FAAH2: variants seen among roughly 807,000 people sequenced by gnomAD.
FAAH2 encodes the protein fatty acid amide hydrolase 2, also known as fatty-acid amide hydrolase 2.
In FAAH2, 60 loss-of-function variants were observed where a neutral mutation model predicts 36.9. The ratio of observed to expected loss-of-function variants is 1.63; its 90% CI spans 1.32 to 2.02. The LOEUF (loss-of-function observed/expected upper bound fraction) is 2.02. Among genes scored for constraint, FAAH2 ranks in the 30% most tolerant of loss-of-function variants. The pLI is 0.00. For missense variants in FAAH2, 689 were observed against 397.5 expected, an observed-to-expected ratio of 1.73 and a Z score of -6.23; for synonymous variants, 214 against 143.8, an observed-to-expected ratio of 1.49 and a Z score of -3.49.
the FAAH2 span, chrX:57,137,147 C>T: frequency 7.0e-5 from 53 of 762,589 alleles, no homozygotes; most frequent in Non-Finnish European, 7.9e-5. Context: ...CACCCCATGT[C>T]TCCTGCTGGA....
At chrX:57,168,115 A>G in the FAAH2 span, among the ~76,000 whole-genome samples, 22 of 111,547 alleles carry the variant, frequency 2.0e-4, no homozygotes, top group Admixed American at 5.7e-4. Context: ...AATATAGACT[A>G]GATTTTAACA....
intron 7 of FAAH2, chrX:57,394,612 C>A: frequency 5.3e-6 from 6 of 1,138,838 alleles, no homozygotes; most frequent in Non-Finnish European, 6.0e-6. Flanking sequence ...TTGCAACCGT[C>A]ATGAGCCCTA....
chrX:57,152,742 C>G, the FAAH2 span, among the ~76,000 whole-genome samples: 1 of 111,848 alleles, frequency 8.9e-6, no homozygotes, highest in Non-Finnish European at 1.9e-5. Context: ...CCTCGCCCTG[C>G]TTTAGCTCGT....
chrX:57,258,622 T>A, the FAAH2 span, among the ~76,000 whole-genome samples: 2 of 110,580 alleles, frequency 1.8e-5, no homozygotes, highest in African/African-American at 6.6e-5. Flanking sequence ...TCTGATTTTT[T>A]AAAAATGACC....
the FAAH2 span, among the ~76,000 whole-genome samples, chrX:57,273,771 G>A: frequency 9.0e-6 from 1 of 111,600 alleles, no homozygotes; most frequent in Non-Finnish European, 1.9e-5. Context: ...GTGTTTAGAG[G>A]GAAATTTATA....
chrX:57,278,282 C>T, the FAAH2 span, among the ~76,000 whole-genome samples: 38 of 111,558 alleles, frequency 3.4e-4, no homozygotes, highest in South Asian at 3.8e-4. Context: ...CACACATCTA[C>T]GGCCATCTGA....
intron 10 of FAAH2, among the ~76,000 whole-genome samples, chrX:57,484,150 G>A (rs1345103545): frequency 9.0e-6 from 1 of 110,786 alleles, no homozygotes; most frequent in Non-Finnish European, 1.9e-5. Context: ...CTGCTGGCCA[G>A]GGGGTAGCAC....
chrX:57,207,147 AT>A, the FAAH2 span, among the ~76,000 whole-genome samples: 1 of 110,547 alleles, frequency 9.0e-6, no homozygotes, highest in African/African-American at 3.3e-5. Flanking sequence ...GACATACCCC[AT>A]TTTATGCATC....
At chrX:57,262,298 A>C in the FAAH2 span, among the ~76,000 whole-genome samples, 1 of 111,670 alleles carries the variant, frequency 9.0e-6, no homozygotes, top group African/African-American at 3.2e-5. Flanking sequence ...TATGTGCTTC[A>C]AAACACACTT....
intron 7 of FAAH2, among the ~76,000 whole-genome samples, chrX:57,408,945 G>A (rs1198166064): frequency 9.0e-6 from 1 of 110,937 alleles, no homozygotes; most frequent in Non-Finnish European, 1.9e-5. Flanking sequence ...AGACGATTTT[G>A]TTATTGTGTG....
chrX:57,310,392 A>T (rs2052659228), intron 2 of FAAH2, among the ~76,000 whole-genome samples: 1 of 111,658 alleles, frequency 9.0e-6, no homozygotes, highest in Non-Finnish European at 1.9e-5. Flanking sequence ...GATAATTCTT[A>T]CTAGGTTGGA....
At chrX:57,471,864 A>C (rs913889333) in intron 10 of FAAH2, among the ~76,000 whole-genome samples, 2 of 112,034 alleles carry the variant, frequency 1.8e-5, no homozygotes, top group African/African-American at 6.5e-5. Context: ...TACAGTAACC[A>C]AAACAGCATG....
At chrX:57,256,870 A>G in the FAAH2 span, among the ~76,000 whole-genome samples, 2 of 112,429 alleles carry the variant, frequency 1.8e-5, no homozygotes, top group Non-Finnish European at 1.9e-5. Context: ...AACCACATCC[A>G]AAAATTTGCA....
chrX:57,165,597 G>A, the FAAH2 span, among the ~76,000 whole-genome samples: 1 of 111,063 alleles, frequency 9.0e-6, no homozygotes, highest in Non-Finnish European at 1.9e-5. Context: ...GCTAGATGAT[G>A]AGTTAGTGGG....
At chrX:57,216,524 A>ATG in the FAAH2 span, among the ~76,000 whole-genome samples, 3 of 71,255 alleles carry the variant, frequency 4.2e-5, no homozygotes, top group Non-Finnish European at 6.9e-5. Context: ...ATATACGTAT[A>ATG]TGTATATATA....
chrX:57,439,379 T>C (rs764917997), intron 8 of FAAH2, among the ~76,000 whole-genome samples: 1 of 112,272 alleles, frequency 8.9e-6, no homozygotes, highest in South Asian at 3.7e-4. Flanking sequence ...TTCATGTGTT[T>C]TTTGACTGCA....
chrX:57,329,415 AC>A (rs1452942094), intron 3 of FAAH2, among the ~76,000 whole-genome samples: 1 of 110,767 alleles, frequency 9.0e-6, no homozygotes, highest in Non-Finnish European at 1.9e-5. Context: ...GGGTGGGTCC[AC>A]TTTTTGCATG....
At chrX:57,139,675 C>T in the FAAH2 span, among the ~76,000 whole-genome samples, 7 of 111,256 alleles carry the variant, frequency 6.3e-5, no homozygotes, top group African/African-American at 2.0e-4. Flanking sequence ...AGGATGGTCT[C>T]GATCTCCTGA....
At chrX:57,409,581 G>T (rs1276965524) in intron 7 of FAAH2, among the ~76,000 whole-genome samples, 2 of 110,884 alleles carry the variant, frequency 1.8e-5, no homozygotes, top group East Asian at 5.7e-4. Context: ...TTATTGGTGT[G>T]TTCAGACTTT....
Sources: allele counts gnomAD v4.1 joint callset (sites outside exome capture counted in the v4.1 genomes callset), GRCh38; gene constraint gnomAD v4.1.1; transcripts MANE v1.5; gene names NCBI Gene and HGNC (gene_info 2026-07-23, HGNC 2026-07-21).